Variants in CDKAL1 observed in about 807,000 individuals in gnomAD.
The protein encoded by CDKAL1 is CDKAL1 threonylcarbamoyladenosine tRNA methylthiotransferase.
CDKAL1 carries 32 observed loss-of-function variants against 68.2 expected under a neutral mutation model. The observed-to-expected ratio is 0.47, with a 90% confidence interval of 0.35 to 0.63. The LOEUF is 0.63. Ranked by LOEUF, CDKAL1 falls within the 30% of genes least tolerant of loss-of-function variation. CDKAL1 has a pLI of 0.00. For synonymous variants in CDKAL1, 234 were observed against 244.3 expected, an observed-to-expected ratio of 0.96 and a Z score of 0.39; for missense variants, 606 against 696.7, an observed-to-expected ratio of 0.87 and a Z score of 1.47.
At chr6:20,785,477 G>A (rs1347920196) in intron 8 of CDKAL1, among the ~76,000 whole-genome samples, 3 of 151,698 alleles carry the variant, frequency 2.0e-5, no homozygotes, top group Non-Finnish European at 4.4e-5. Flanking sequence ...CACCACACCC[G>A]GCTAATTTTT....
At chr6:20,588,048 G>C (rs1765447745) in intron 4 of CDKAL1, among the ~76,000 whole-genome samples, 1 of 152,056 alleles carries the variant, frequency 6.6e-6, no homozygotes, top group African/African-American at 2.4e-5. Context: ...TGTGAGGCAA[G>C]ATCATGCCAC....
chr6:20,772,264 G>C (rs1470529538), intron 7 of CDKAL1, among the ~76,000 whole-genome samples: 1 of 152,144 alleles, frequency 6.6e-6, no homozygotes, highest in Non-Finnish European at 1.5e-5. Context: ...GGAGCCATTT[G>C]ATAAATTTAG....
chr6:21,098,797 G>A (rs775640677), intron 12 of CDKAL1, among the ~76,000 whole-genome samples: 9 of 152,030 alleles, frequency 5.9e-5, no homozygotes, highest in South Asian at 2.1e-4. Context: ...AGATGGTGGC[G>A]GAGGCATTCC....
intron 9 of CDKAL1, among the ~76,000 whole-genome samples, chr6:20,953,271 C>G (rs940891741): frequency 6.6e-6 from 1 of 152,188 alleles, no homozygotes; most frequent in Non-Finnish European, 1.5e-5. Context: ...TGCTGTTTCT[C>G]TATGGATGTT....
Position 20,722,540 on chromosome 6 carries a change from C to T in CDKAL1, c.372-16979C>T, listed in dbSNP as rs1772430351. Reference sequence around the variant, plus strand: ...AGCCACTCTGCTTCCTGTCATAATGCTGCTTACCCTGGGCACACATAGAAT... The same window carrying T: ...AGCCACTCTGCTTCCTGTCATAATGTTGCTTACCCTGGGCACACATAGAAT... On this transcript the variant is annotated intron_variant, in intron 5 of 15. Transcript: ENST00000274695. 1.5e-5 allele frequency: 5 copies of T among 325,506 alleles called. No individual in the cohort carries two copies. In the Admixed American group the frequency reaches 1.7e-4, roughly 11 times the overall value. The allele number at this position is 325,506 out of a possible 1,614,324, so 20.2% of individuals were successfully genotyped here.
At chr6:20,885,888 GC>G (rs1339619382) in intron 9 of CDKAL1, among the ~76,000 whole-genome samples, 1 of 152,140 alleles carries the variant, frequency 6.6e-6, no homozygotes, top group Non-Finnish European at 1.5e-5. Context: ...TTGGAGACCA[GC>G]TTGGCCAATA....
intron 9 of CDKAL1, among the ~76,000 whole-genome samples, chr6:20,922,391 G>A (rs544053432): frequency 1.3e-5 from 2 of 152,296 alleles, no homozygotes; most frequent in African/African-American, 4.8e-5. Flanking sequence ...GAAGGGGTAG[G>A]AGAGGAACAT....
intron 9 of CDKAL1, among the ~76,000 whole-genome samples, chr6:20,851,951 T>G (rs1759036061): frequency 1.3e-5 from 2 of 152,070 alleles, no homozygotes; most frequent in South Asian, 4.2e-4. Context: ...GACCCAAGAT[T>G]AAAAGGGGGC....
chr6:21,096,199 G>T (rs1041987914), intron 12 of CDKAL1, among the ~76,000 whole-genome samples: 1 of 152,180 alleles, frequency 6.6e-6, no homozygotes, highest in African/African-American at 2.4e-5. Context: ...GACACCAGGG[G>T]TTATTCGGGG....
At chr6:21,054,359 TTTA>T (rs1396841838) in intron 11 of CDKAL1, among the ~76,000 whole-genome samples, 1 of 152,194 alleles carries the variant, frequency 6.6e-6, no homozygotes, top group African/African-American at 2.4e-5. Flanking sequence ...TTATTGGAGC[TTTA>T]TAGTTAGTCT....
At chr6:20,666,828 A>G (rs1440428039) in intron 5 of CDKAL1, among the ~76,000 whole-genome samples, 2 of 151,826 alleles carry the variant, frequency 1.3e-5, no homozygotes, top group Non-Finnish European at 2.9e-5. Flanking sequence ...AGATTTAACT[A>G]GTTCTTTCTT....
intron 9 of CDKAL1, among the ~76,000 whole-genome samples, chr6:20,908,015 T>C (rs1762308819): frequency 6.6e-6 from 1 of 152,182 alleles, no homozygotes. Flanking sequence ...CAGAGAGCAC[T>C]GGCTGCAGCT....
At chr6:20,687,639 G>T (rs1770687109) in intron 5 of CDKAL1, among the ~76,000 whole-genome samples, 1 of 151,892 alleles carries the variant, frequency 6.6e-6, no homozygotes, top group South Asian at 2.1e-4. Flanking sequence ...CCTAGGCACG[G>T]GTGATCCTCC....
intron 9 of CDKAL1, among the ~76,000 whole-genome samples, chr6:20,858,047 T>G (rs1478272409): frequency 6.6e-6 from 1 of 152,136 alleles, no homozygotes; most frequent in Non-Finnish European, 1.5e-5. Flanking sequence ...TTAGTAGAGA[T>G]GGGTTTTTAC....
At chr6:20,640,588 A>C (rs935407849) in intron 4 of CDKAL1, among the ~76,000 whole-genome samples, 2 of 152,230 alleles carry the variant, frequency 1.3e-5, no homozygotes, top group African/African-American at 4.8e-5. Flanking sequence ...TTTTGAAAAT[A>C]GCAGAACGGC....
At chr6:20,945,694 C>T (rs942037459) in intron 9 of CDKAL1, among the ~76,000 whole-genome samples, 6 of 152,100 alleles carry the variant, frequency 3.9e-5, no homozygotes, top group African/African-American at 1.4e-4. Context: ...TATTTAGACT[C>T]CGTTGGATGG....
Position 20,940,929 on chromosome 6 carries a change from A to C in CDKAL1, c.743-14490A>C, listed in dbSNP as rs577830497. On this transcript the variant is annotated intron_variant, in intron 9 of 15. Coordinates refer to ENST00000274695, the MANE Select transcript of CDKAL1 (RefSeq NM_017774.3). ...CACAGTGAAACCGCGTCTCTACTAA[A>C]AATACAAAAAATTAGCCAGGCGTGG... is the stretch of plus-strand genomic sequence containing the variant. Among the ~76,000 whole-genome samples, 54 of 152,164 alleles carry C rather than the reference A, an allele frequency of 3.5e-4. 1 individual carries two copies. Among genetic ancestry groups the C allele is most frequent in the African/African-American group, 1.2e-3 (51 of 41,502 alleles).
In CDKAL1 at chr6:21,131,859, T is replaced by C. The variant is rs888003791; in HGVS notation, c.1299+23396T>C. Among the ~76,000 whole-genome samples the C allele has an allele frequency of 2.6e-5, 4 of 152,168 alleles. No individual in the cohort carries two copies. In the East Asian group the frequency reaches 7.7e-4, roughly 29 times the overall value. On this transcript the variant is annotated intron_variant, in intron 13 of 15. Transcript: ENST00000274695. Reference sequence around the variant, plus strand: ...TTCAAATAATCCCACAAATTTAGTATTCCAAAGAGACCACTTTGTGATTCT... The same window carrying C: ...TTCAAATAATCCCACAAATTTAGTACTCCAAAGAGACCACTTTGTGATTCT...
rs563231312 is a variant in CDKAL1 at position 20,571,358 on chromosome 6, C to T, written c.286+22653C>T. ...TCATAAGCCTGTTGTGTTATGTATTCAGCAGTTGAACAAGACAGATGCAGT... is the reference window on the plus strand; with the variant it reads ...TCATAAGCCTGTTGTGTTATGTATTTAGCAGTTGAACAAGACAGATGCAGT... On this transcript the variant is annotated intron_variant, in intron 4 of 15. Transcript: ENST00000274695. 1.1e-4 allele frequency among the ~76,000 whole-genome samples: 16 copies of T among 152,182 alleles called. No homozygotes were observed. The East Asian group carries it at 3.1e-3, about 29-fold the overall frequency.
Sources: allele counts gnomAD v4.1 joint callset (sites outside exome capture counted in the v4.1 genomes callset), GRCh38; gene constraint gnomAD v4.1.1; transcripts MANE v1.5; gene names NCBI Gene and HGNC (gene_info 2026-07-23, HGNC 2026-07-21).